Variants in LDLRAD4 observed in about 807,000 individuals in gnomAD.
LDLRAD4 encodes low density lipoprotein receptor class A domain containing 4.
In LDLRAD4, 5 loss-of-function variants were observed where a neutral mutation model predicts 17.0. The ratio of observed to expected loss-of-function variants is 0.29; its 90% CI spans 0.15 to 0.62. LDLRAD4 has a LOEUF of 0.62. Ranked by LOEUF, LDLRAD4 falls within the 20% of genes least tolerant of loss-of-function variation. The pLI is 0.84. For synonymous variants in LDLRAD4, 168 were observed against 171.8 expected (o/e 0.98, Z 0.17); for missense variants, 340 against 424.7 (o/e 0.80, Z 1.75).
chr18:13,466,048 G>C (rs764974400), intron 3 of LDLRAD4, among the ~76,000 whole-genome samples: 1 of 152,180 alleles, frequency 6.6e-6, no homozygotes, highest in Non-Finnish European at 1.5e-5. Context: ...ATGCCTGGGT[G>C]CAAAATAAAT....
At chr18:13,271,223 C>G (rs2044517703) in intron 1 of LDLRAD4, among the ~76,000 whole-genome samples, 2 of 152,212 alleles carry the variant, frequency 1.3e-5, no homozygotes, top group Non-Finnish European at 1.5e-5. Context: ...ACCATTGACA[C>G]TTAAATAATG....
chr18:13,642,809 A>G (rs2042697852), intron 4 of LDLRAD4: 1 of 1,134,834 alleles, frequency 8.8e-7, no homozygotes. Flanking sequence ...CCAGGAGTTC[A>G]ACTTTTCCAT....
At chr18:13,456,501 C>T (rs1190798829) in intron 3 of LDLRAD4, among the ~76,000 whole-genome samples, 4 of 152,178 alleles carry the variant, frequency 2.6e-5, no homozygotes, top group Non-Finnish European at 5.9e-5. Context: ...TCCTGTATTG[C>T]CCCTGGATTC....
chr18:13,612,103 C>G, intron 3 of LDLRAD4: 1 of 985,648 alleles, frequency 1.0e-6, no homozygotes, highest in Non-Finnish European at 1.2e-6. Context: ...TGAAAGCTTC[C>G]AGCAGAGATC....
At position 13,335,258 on chromosome 18, in the gene LDLRAD4, C is replaced by T. The variant is rs527770382; in HGVS notation, c.-382-52083C>T. 1.1e-4 allele frequency among the ~76,000 whole-genome samples: 17 copies of T among 152,298 alleles called. 2 individuals carry two copies. In the South Asian group the frequency reaches 3.3e-3, roughly 30 times the overall value. ...AAGCTTCTACCATGAGCATTGGTGTCGAGCACATGTTCTCTTCCTTCCTAT... is the reference window on the plus strand; with the variant it reads ...AAGCTTCTACCATGAGCATTGGTGTTGAGCACATGTTCTCTTCCTTCCTAT... On this transcript the variant is annotated intron_variant, in intron 1 of 5. Coordinates refer to ENST00000359446, the Ensembl canonical transcript of LDLRAD4.
At chr18:13,517,506 T>A (rs2147587138) in intron 3 of LDLRAD4, among the ~76,000 whole-genome samples, 1 of 152,318 alleles carries the variant, frequency 6.6e-6, no homozygotes. Flanking sequence ...GATGTCTGAA[T>A]GTCTCTGGTG....
At chr18:13,610,269 T>A (rs1206848214) in intron 3 of LDLRAD4, among the ~76,000 whole-genome samples, 1 of 23,968 alleles carries the variant, frequency 4.2e-5, no homozygotes, top group African/African-American at 2.5e-4. Context: ...GCCCTAATTT[T>A]TTTTTTTTTT....
At chr18:13,390,769 C>T (rs928593192) in intron 2 of LDLRAD4, among the ~76,000 whole-genome samples, 4 of 152,230 alleles carry the variant, frequency 2.6e-5, no homozygotes, top group Non-Finnish European at 4.4e-5. Context: ...CTGTTGGGTG[C>T]GCCAGCACCT....
chr18:13,253,996 C>G (rs998738869), intron 1 of LDLRAD4, among the ~76,000 whole-genome samples: 3 of 152,258 alleles, frequency 2.0e-5, no homozygotes, highest in African/African-American at 7.2e-5. Flanking sequence ...CGATACGGGG[C>G]ATCCCAGGAA....
At chr18:13,424,693 T>C (rs1306992212) in intron 2 of LDLRAD4, among the ~76,000 whole-genome samples, 1 of 152,196 alleles carries the variant, frequency 6.6e-6, no homozygotes, top group African/African-American at 2.4e-5. Context: ...TTTCTGTTTT[T>C]GTTTTTTGCT....
rs2040580896 is a variant in LDLRAD4, at chr18:13,621,049, A to C, written c.182-68A>C. 1 of 1,609,372 alleles carries C rather than the reference A, an allele frequency of 6.2e-7. No homozygotes were observed. Among genetic ancestry groups the C allele is most frequent in the African/African-American group, 1.3e-5 (1 of 74,860 alleles). On this transcript the variant is annotated intron_variant, in intron 3 of 5. Transcript: ENST00000359446. This position sits in a 1 kb window ranked among gnomAD's most constrained non-coding sequence, Gnocchi z 5.5. Reference sequence around the variant, plus strand: ...TCAGGGCCTGATGGCTGGGGTGGTGACAGTGCCTGGAGAATGGGTGGGGAC... The same window carrying C: ...TCAGGGCCTGATGGCTGGGGTGGTGCCAGTGCCTGGAGAATGGGTGGGGAC...
At chr18:13,401,225 A>G (rs550517513) in intron 2 of LDLRAD4, among the ~76,000 whole-genome samples, 1 of 152,080 alleles carries the variant, frequency 6.6e-6, no homozygotes, top group South Asian at 2.1e-4. Context: ...CCACATGCCC[A>G]GGAGCAGACA....
upstream of LDLRAD4, among the ~76,000 whole-genome samples, chr18:13,275,396 G>A (rs2044801277): frequency 1.3e-5 from 2 of 152,164 alleles, no homozygotes; most frequent in Admixed American, 1.3e-4. Context: ...TCATTCTTTT[G>A]GGGTAGAACA....
At chr18:13,430,476 C>T (rs1467313508) in intron 2 of LDLRAD4, among the ~76,000 whole-genome samples, 2 of 152,186 alleles carry the variant, frequency 1.3e-5, no homozygotes, top group African/African-American at 2.4e-5. Context: ...GCAAGGCATA[C>T]AAGGCTCTTC....
chr18:13,411,344 G>T (rs1337250014), intron 2 of LDLRAD4, among the ~76,000 whole-genome samples: 1 of 151,902 alleles, frequency 6.6e-6, no homozygotes, highest in African/African-American at 2.4e-5. Context: ...TAGTTTTGCC[G>T]TAAGTGCTTA....
At position 13,587,941 on chromosome 18, in the gene LDLRAD4, GC is replaced by G. The variant is rs567399207; in HGVS notation, c.182-33175del. ...GAATCTCTTTCATATAAATTGGATG[GC>G]TGTTTCTCTACATTGCCAACAATTT... On this transcript the variant is annotated intron_variant, in intron 3 of 5. Coordinates refer to ENST00000359446, the Ensembl canonical transcript of LDLRAD4. Among the ~76,000 whole-genome samples, 429 of 152,228 alleles carry G rather than the reference GC, an allele frequency of 2.8e-3. 2 individuals carry two copies. Among genetic ancestry groups the G allele is most frequent in the African/African-American group, 9.9e-3 (412 of 41,522 alleles).
chr18:13,483,537 G>T (rs1016039795), intron 3 of LDLRAD4, among the ~76,000 whole-genome samples: 1 of 152,180 alleles, frequency 6.6e-6, no homozygotes, highest in Non-Finnish European at 1.5e-5. Flanking sequence ...GGAGCCCTGG[G>T]GTTGGTCACA....
At chr18:13,589,948 G>A (rs886267089) in intron 3 of LDLRAD4, among the ~76,000 whole-genome samples, 28 of 152,262 alleles carry the variant, frequency 1.8e-4, no homozygotes, top group African/African-American at 6.3e-4. Flanking sequence ...GACAAGGCAG[G>A]CATTGGGTGT....
chr18:13,359,771 C>G (rs1159139706), intron 1 of LDLRAD4, among the ~76,000 whole-genome samples: 1 of 152,158 alleles, frequency 6.6e-6, no homozygotes, highest in Non-Finnish European at 1.5e-5. Context: ...AAGATTGCCC[C>G]TAAGAATCCA....
Sources: allele counts gnomAD v4.1 joint callset (sites outside exome capture counted in the v4.1 genomes callset), GRCh38; gene constraint gnomAD v4.1.1; non-coding constraint Gnocchi (gnomAD v3.1); transcripts MANE v1.5; gene names NCBI Gene and HGNC (gene_info 2026-07-23, HGNC 2026-07-21).